TNFSF4: variants seen among roughly 807,000 people sequenced by gnomAD.
TNFSF4 encodes TNF superfamily member 4.
In TNFSF4, 4 loss-of-function variants were observed where a neutral mutation model predicts 7.3. The ratio of observed to expected loss-of-function variants is 0.55; its 90% CI spans 0.27 to 1.25. The LOEUF (loss-of-function observed/expected upper bound fraction) is 1.25, where lower values mean the gene tolerates loss of function less well. Among genes scored for constraint, TNFSF4 ranks in the 50% most tolerant of loss-of-function variants. TNFSF4 has a pLI of 0.12. For synonymous variants in TNFSF4, 76 were observed against 83.7 expected, an observed-to-expected ratio of 0.91 and a Z score of 0.50; for missense variants, 181 against 208.8, an observed-to-expected ratio of 0.87 and a Z score of 0.82.
the TNFSF4 span, among the ~76,000 whole-genome samples, chr1:173,408,540 A>C: frequency 6.6e-6 from 1 of 152,204 alleles, no homozygotes; most frequent in African/African-American, 2.4e-5. Flanking sequence ...GTTTCAGACA[A>C]GAAATATCAA....
At chr1:173,359,575 C>G in the TNFSF4 span, among the ~76,000 whole-genome samples, 1 of 145,006 alleles carries the variant, frequency 6.9e-6, no homozygotes, top group Non-Finnish European at 1.5e-5. Context: ...CATCCAATGG[C>G]ATTCTCCTTC....
the TNFSF4 span, among the ~76,000 whole-genome samples, chr1:173,313,780 C>T: frequency 6.6e-6 from 1 of 151,972 alleles, no homozygotes; most frequent in Non-Finnish European, 1.5e-5. Flanking sequence ...TATAAAATGG[C>T]CAAGCTCATT....
At chr1:173,302,105 T>C in the TNFSF4 span, among the ~76,000 whole-genome samples, 7 of 151,908 alleles carry the variant, frequency 4.6e-5, no homozygotes, top group Non-Finnish European at 1.0e-4. Context: ...TGTGAGACCC[T>C]GTGCAGGTCC....
chr1:173,211,009 C>G (rs1650358053), upstream of TNFSF4, among the ~76,000 whole-genome samples: 1 of 152,184 alleles, frequency 6.6e-6, no homozygotes, highest in South Asian at 2.1e-4. Context: ...GCAGGGGGTG[C>G]CTTGTTCTAA....
the TNFSF4 span, among the ~76,000 whole-genome samples, chr1:173,342,476 T>C: frequency 1.7e-3 from 265 of 152,272 alleles, 1 homozygote; most frequent in East Asian, 4.2e-3. Context: ...ATTTTCATTC[T>C]TCCTTTTTGA....
chr1:173,275,265 C>T, the TNFSF4 span, among the ~76,000 whole-genome samples: 1 of 152,102 alleles, frequency 6.6e-6, no homozygotes, highest in Non-Finnish European at 1.5e-5. Context: ...ATGAGGAACC[C>T]TGAGCTTAGG....
At chr1:173,213,257 T>C in the TNFSF4 span, among the ~76,000 whole-genome samples, 1 of 152,212 alleles carries the variant, frequency 6.6e-6, no homozygotes, top group African/African-American at 2.4e-5. Context: ...CCTTTTGTTC[T>C]GATGCCAATT....
the TNFSF4 span, among the ~76,000 whole-genome samples, chr1:173,283,789 A>T: frequency 1.3e-5 from 2 of 152,266 alleles, no homozygotes; most frequent in African/African-American, 4.8e-5. Context: ...TTTATTTATA[A>T]GAAAACCATA....
chr1:173,292,021 A>C, the TNFSF4 span, among the ~76,000 whole-genome samples: 1 of 152,094 alleles, frequency 6.6e-6, no homozygotes, highest in African/African-American at 2.4e-5. Flanking sequence ...AAAAAACCTA[A>C]ACCAGAAAAA....
chr1:173,354,758 A>C, the TNFSF4 span, among the ~76,000 whole-genome samples: 4 of 152,248 alleles, frequency 2.6e-5, no homozygotes, highest in South Asian at 8.3e-4. Flanking sequence ...AAAAATAGAA[A>C]TTAAAATTTT....
chr1:173,435,770 C>T, the TNFSF4 span, among the ~76,000 whole-genome samples: 1 of 152,114 alleles, frequency 6.6e-6, no homozygotes, highest in Non-Finnish European at 1.5e-5. Flanking sequence ...TTAATAGTTG[C>T]TTATGAAAGA....
the TNFSF4 span, among the ~76,000 whole-genome samples, chr1:173,379,869 A>G: frequency 2.6e-5 from 4 of 152,220 alleles, no homozygotes; most frequent in Admixed American, 2.6e-4. Context: ...CATGTCCCCT[A>G]TGCTGAGGCA....
chr1:173,325,709 A>G, the TNFSF4 span, among the ~76,000 whole-genome samples: 1 of 152,248 alleles, frequency 6.6e-6, no homozygotes, highest in Non-Finnish European at 1.5e-5. Flanking sequence ...ACAGAAATAC[A>G]AACTACCATC....
the TNFSF4 span, among the ~76,000 whole-genome samples, chr1:173,270,281 G>A: frequency 1.3e-5 from 2 of 152,144 alleles, no homozygotes; most frequent in African/African-American, 2.4e-5. Context: ...TGATGTTAAA[G>A]GGAGAGGTCG....
chr1:173,351,347 T>A, the TNFSF4 span, among the ~76,000 whole-genome samples: 2 of 152,240 alleles, frequency 1.3e-5, no homozygotes, highest in Non-Finnish European at 2.9e-5. Context: ...CTAGGCTATG[T>A]TTCTCTTTGT....
the TNFSF4 span, chr1:173,175,551 T>G: frequency 6.6e-6 from 1 of 152,312 alleles, no homozygotes; most frequent in East Asian, 1.9e-4. Context: ...ACTCCCTCAT[T>G]CCTTCCCTGA....
chr1:173,412,119 A>G, the TNFSF4 span, among the ~76,000 whole-genome samples: 2 of 143,924 alleles, frequency 1.4e-5, no homozygotes, highest in Admixed American at 6.8e-5. Flanking sequence ...CATCTCAAGA[A>G]AAAAAAAAAA....
the TNFSF4 span, among the ~76,000 whole-genome samples, chr1:173,252,668 G>A: frequency 6.6e-6 from 1 of 152,170 alleles, no homozygotes; most frequent in Non-Finnish European, 1.5e-5. Context: ...AAAGTAGGAT[G>A]TGTGGTTCAT....
At chr1:173,366,441 T>C in the TNFSF4 span, among the ~76,000 whole-genome samples, 100 of 149,780 alleles carry the variant, frequency 6.7e-4, no homozygotes, top group South Asian at 6.0e-3. Flanking sequence ...AGATAGAGAG[T>C]GAAAGGATGG....
Sources: allele counts gnomAD v4.1 joint callset (sites outside exome capture counted in the v4.1 genomes callset), GRCh38; gene constraint gnomAD v4.1.1; transcripts MANE v1.5; gene names NCBI Gene and HGNC (gene_info 2026-07-23, HGNC 2026-07-21).